ZFPM1: variants seen among roughly 807,000 people sequenced by gnomAD.
The protein encoded by ZFPM1 is zinc finger protein ZFPM1.
In ZFPM1, 28 loss-of-function variants were observed where a neutral mutation model predicts 46.3. The ratio of observed to expected loss-of-function variants is 0.60; its 90% CI spans 0.45 to 0.83. The LOEUF (loss-of-function observed/expected upper bound fraction) is 0.83, where lower values mean the gene tolerates loss of function less well. Among genes scored for constraint, ZFPM1 ranks in the 40% least tolerant of loss-of-function variants. The pLI, the probability that ZFPM1 is intolerant of heterozygous loss-of-function variation, is 0.00. For synonymous variants in ZFPM1, 957 were observed against 675.9 expected (o/e 1.42, Z -6.45); for missense variants, 1,878 against 1,432.4 (o/e 1.31, Z -5.02).
At chr16:88,485,054 G>C (rs1909141671) in intron 1 of ZFPM1, among the ~76,000 whole-genome samples, 1 of 152,220 alleles carries the variant, frequency 6.6e-6, no homozygotes, top group Non-Finnish European at 1.5e-5. Flanking sequence ...TGCTGGGTGA[G>C]GGTGTCACCC....
At position 88,526,858 on chromosome 16, in the gene ZFPM1, G is replaced by C. The variant is rs761061608; in HGVS notation, c.447G>C (p.Leu149=). ...TLLLVDEACW[L]RTLPQALTEA... ...TGCTGGTGGACGAGGCCTGCTGGCT[G>C]AGGACGCTGCCCCAGGCCCTGACTG... The change falls in exon 5 of 10, where the codon CTG becomes CTC. Residue 149 remains leucine, a synonymous_variant. Coordinates refer to ENST00000319555, the MANE Select transcript of ZFPM1 (RefSeq NM_153813.3). The C allele has an allele frequency of 6.3e-7, 1 of 1,575,036 alleles. No individual in the cohort carries two copies.
rs200315780 is a variant in ZFPM1 at position 88,533,160 on chromosome 16, G to A, written c.1202G>A (p.Ser401Asn). ...ATKLPPDSLG[S>N]FQQQHTALQG... ...GATCTCTCTGCAGACAGTCTGGGCA[G>A]CTTCCAGCAGCAGCACACGGCCCTG... Residue 401 changes from serine (S) to asparagine (N), a missense_variant, in exon 10 of 10, where the codon AGC becomes AAC. Physicochemically the swap from Ser to Asn is conservative, Grantham distance 46 (BLOSUM62 1). Coordinates refer to ENST00000319555, the MANE Select transcript of ZFPM1 (RefSeq NM_153813.3). The A allele has an allele frequency of 6.7e-7, 1 of 1,501,636 alleles. No individual in the cohort carries two copies. Among genetic ancestry groups the A allele is most frequent in the South Asian group, 1.3e-5 (1 of 75,672 alleles). 93.0% of individuals were successfully genotyped at this position (1,501,636 alleles called of 1,614,324 possible).
At position 88,520,547 on chromosome 16, in the gene ZFPM1, A is replaced by AGGATGGATGGATGGATGGACGGATGGGG. The variant is rs1555527766; in HGVS notation, c.402+6046_402+6047insCGGATGGGGGGATGGATGGATGGATGGA. Reference sequence around the variant, plus strand: ...ATGAATGAATGGGTGGGTGGCTGAAAGGATGGATGGATGGATGGATGGATG... The same window carrying AGGATGGATGGATGGATGGACGGATGGGG: ...ATGAATGAATGGGTGGGTGGCTGAAAGGATGGATGGATGGATGGACGGATGGGGGGATGGATGGATGGATGGATGGATG... On this transcript the variant is annotated intron_variant, in intron 4 of 9. Transcript: ENST00000319555. Among the ~76,000 whole-genome samples the AGGATGGATGGATGGATGGACGGATGGGG allele has an allele frequency of 7.6e-3, 821 of 107,924 alleles. 27 individuals carry two copies. The highest frequency in any genetic ancestry group is 0.033 in the African/African-American group (780 of 23,864). 70.8% of individuals were successfully genotyped at this position (107,924 alleles called of 152,430 possible).
chr16:88,528,645 G>C (rs1195566712), intron 6 of ZFPM1, among the ~76,000 whole-genome samples: 1 of 152,210 alleles, frequency 6.6e-6, no homozygotes, highest in East Asian at 1.9e-4. Context: ...TGGACACCAC[G>C]GGGGGTGAGC....
chr16:88,534,969 A>T lies in ZFPM1; in HGVS notation c.3011A>T (p.His1004Leu), dbSNP rs2142503141. 2 of 1,449,706 alleles carry T rather than the reference A, an allele frequency of 1.4e-6. No individual in the cohort carries two copies. The highest frequency in any genetic ancestry group is 1.4e-5 in the South Asian group (1 of 72,996). The allele number at this position is 1,449,706 out of a possible 1,614,324, so 89.8% of individuals were successfully genotyped here. Residue 1004 changes from histidine to leucine, a missense_variant, in exon 10 of 10, where the codon CAC becomes CTC. By Grantham distance (99) the His-to-Leu change is moderately conservative (BLOSUM62 -3). Transcript: ENST00000319555. ...TACTGCTCCTCGCACGCCGCCGAGC[A>T]CGTGAAGTGAGCGCCCACACTACAG... ...KYYCSSHAAEHVK is the reference protein window; with the variant it reads ...KYYCSSHAAELVK
At position 88,516,682 on chromosome 16, in the gene ZFPM1, G is replaced by A. The variant is rs530862082; in HGVS notation, c.402+2162G>A. Reference sequence around the variant, plus strand: ...TGTCTAAATATTTTTGCGTCTCAGCGGGCCCCTGTCGCTCTTGGCTGATAG... The same window carrying A: ...TGTCTAAATATTTTTGCGTCTCAGCAGGCCCCTGTCGCTCTTGGCTGATAG... On this transcript the variant is annotated intron_variant, in intron 4 of 9. Transcript: ENST00000319555. 1.0e-4 allele frequency: 41 copies of A among 398,362 alleles called. No individual in the cohort carries two copies. In the South Asian group the frequency reaches 1.4e-3, roughly 14 times the overall value. The allele number at this position is 398,362 out of a possible 1,614,324, so 24.7% of individuals were successfully genotyped here. A position where few individuals can be genotyped will look rare whatever the true frequency, so the allele number is the denominator to read the frequency against.
At chr16:88,524,725 T>C (rs953758517) in intron 4 of ZFPM1, among the ~76,000 whole-genome samples, 1 of 152,120 alleles carries the variant, frequency 6.6e-6, no homozygotes, top group Non-Finnish European at 1.5e-5. Context: ...TCAAAGGAGA[T>C]AGGACTGACC....
rs576138016 is a variant in ZFPM1 at position 88,493,474 on chromosome 16, G to A, written c.268+4321G>A. On this transcript the variant is annotated intron_variant, in intron 3 of 9. Coordinates refer to ENST00000319555, the MANE Select transcript of ZFPM1 (RefSeq NM_153813.3). ...GTCCCGGGCTGCGGGGAGCTGTCCC[G>A]GGGTGGGGAGAGCTGTCCCGGGGTG... Among the ~76,000 whole-genome samples the A allele has an allele frequency of 7.8e-4, 109 of 139,256 alleles. 1 individual carries two copies. The highest frequency in any genetic ancestry group is 2.6e-3 in the African/African-American group (93 of 35,320). The allele number at this position is 139,256 out of a possible 152,430, so 91.4% of individuals were successfully genotyped here.
At chr16:88,452,849 G>A (rs960758), upstream of ZFPM1, among the ~76,000 whole-genome samples, 5,040 of 152,330 alleles carry the variant, frequency 0.033, 187 homozygotes, top group East Asian at 0.21. Flanking sequence ...GGTGCCGCGG[G>A]GCAGCAGAAC....
At chr16:88,516,679 A>T in intron 4 of ZFPM1, 1 of 398,456 alleles carries the variant, frequency 2.5e-6, no homozygotes. Flanking sequence ...TTTGCGTCTC[A>T]GCGGGCCCCT....
chr16:88,524,508 G>A (rs543643973), intron 4 of ZFPM1, among the ~76,000 whole-genome samples: 2 of 152,238 alleles, frequency 1.3e-5, no homozygotes, highest in African/African-American at 4.8e-5. Context: ...CTTTCTCGGG[G>A]CAGCCACTCA....
chr16:88,476,784 T>C (rs1908706039), intron 1 of ZFPM1, among the ~76,000 whole-genome samples: 1 of 152,018 alleles, frequency 6.6e-6, no homozygotes, highest in Admixed American at 6.5e-5. Flanking sequence ...ATACATACGA[T>C]GGGGGCCAAC....
rs1421112261 is a variant in ZFPM1, at chr16:88,469,359, C to A, written c.40+15681C>A. Among the ~76,000 whole-genome samples, 4 of 152,224 alleles carry A rather than the reference C, an allele frequency of 2.6e-5. No individual in the cohort carries two copies. Among genetic ancestry groups the A allele is most frequent in the African/African-American group, 7.2e-5 (3 of 41,460 alleles). On this transcript the variant is annotated intron_variant, in intron 1 of 9. Coordinates refer to ENST00000319555, the MANE Select transcript of ZFPM1 (RefSeq NM_153813.3). This position sits in a 1 kb window ranked among gnomAD's most constrained non-coding sequence, Gnocchi z 4.3. The stretch of plus-strand genomic sequence containing the variant: ...AAGGCGGTCTAGTAGGTCTGCCTCC[C>A]AGGATGGTTTCTGGGCTCTTCAGCA...
intron 1 of ZFPM1, among the ~76,000 whole-genome samples, chr16:88,474,303 C>G (rs1459540531): frequency 6.6e-6 from 1 of 152,324 alleles, no homozygotes; most frequent in East Asian, 1.9e-4. Context: ...AGGCTCAGGG[C>G]AGGGGGAGGA....
chr16:88,496,707 C>T (rs1909950522), intron 3 of ZFPM1, among the ~76,000 whole-genome samples: 1 of 152,112 alleles, frequency 6.6e-6, no homozygotes, highest in Admixed American at 6.5e-5. Context: ...CTCACCCACA[C>T]ACTGCTGGGC....
chr16:88,522,914 C>G (rs954398128), intron 4 of ZFPM1, among the ~76,000 whole-genome samples: 1 of 152,152 alleles, frequency 6.6e-6, no homozygotes, highest in Admixed American at 6.5e-5. Context: ...AAAAATAGGC[C>G]CCCTCCCAAG....
chr16:88,452,797 T>G (rs986961679), upstream of ZFPM1, among the ~76,000 whole-genome samples: 1 of 149,930 alleles, frequency 6.7e-6, no homozygotes, highest in African/African-American at 2.5e-5. Context: ...TCGGGTCAGG[T>G]TTGGAGGCGG....
intron 3 of ZFPM1, among the ~76,000 whole-genome samples, chr16:88,491,801 G>A (rs965657648): frequency 3.9e-5 from 6 of 152,226 alleles, no homozygotes; most frequent in South Asian, 2.1e-4. Context: ...GCTGATACGC[G>A]GCCGCTGGCC....
At chr16:88,530,193 G>A (rs1384466377) in intron 6 of ZFPM1, among the ~76,000 whole-genome samples, 5 of 152,178 alleles carry the variant, frequency 3.3e-5, no homozygotes, top group Non-Finnish European at 4.4e-5. Context: ...GGAACACCCC[G>A]CTGATAACGC....
Sources: allele counts gnomAD v4.1 joint callset (sites outside exome capture counted in the v4.1 genomes callset), GRCh38; gene constraint gnomAD v4.1.1; non-coding constraint Gnocchi (gnomAD v3.1); transcripts MANE v1.5; gene names NCBI Gene and HGNC (gene_info 2026-07-23, HGNC 2026-07-21).